The following SH3D19 variants were observed in gnomAD, a reference collection of about 807,000 sequenced individuals.
SH3D19 encodes SH3 domain containing 19.
SH3D19 carries 58 observed loss-of-function variants against 112.1 expected under a neutral mutation model. The ratio of observed to expected loss-of-function variants is 0.52; its 90% CI spans 0.42 to 0.64. SH3D19 has a LOEUF of 0.64. Ranked by LOEUF, SH3D19 falls within the 30% of genes least tolerant of loss-of-function variation. The pLI, the probability that SH3D19 is intolerant of heterozygous loss-of-function variation, is 0.00. For synonymous variants in SH3D19, 391 were observed against 448.5 expected (o/e 0.87, Z 1.62); for missense variants, 1,090 against 1,263.4 (o/e 0.86, Z 2.08).
chr4:151,247,139 T>A (rs1443274040), intron 1 of SH3D19, among the ~76,000 whole-genome samples: 1 of 152,230 alleles, frequency 6.6e-6, no homozygotes, highest in Non-Finnish European at 1.5e-5. Flanking sequence ...TGATAAAATT[T>A]TTATAATTTT....
intron 3 of SH3D19, among the ~76,000 whole-genome samples, chr4:151,185,040 G>GTTTTTTTTTTTTTTT (rs66567240): frequency 1.5e-5 from 1 of 66,520 alleles, no homozygotes; most frequent in Non-Finnish European, 2.7e-5. Flanking sequence ...GCTGTGTCCT[G>GTTTTTTTTTTTTTTT]TTTTTTTTTT....
intron 1 of SH3D19, among the ~76,000 whole-genome samples, chr4:151,320,231 T>A (rs893983197): frequency 2.0e-5 from 3 of 152,236 alleles, no homozygotes; most frequent in African/African-American, 4.8e-5. Flanking sequence ...GTAAATTTAG[T>A]TAGCATTTAG....
chr4:151,311,582 T>A (rs1729465158), intron 1 of SH3D19, among the ~76,000 whole-genome samples: 1 of 152,078 alleles, frequency 6.6e-6, no homozygotes, highest in African/African-American at 2.4e-5. Flanking sequence ...CTCACGCCTG[T>A]AATCTCAGCA....
At chr4:151,301,280 C>T (rs996343254) in intron 1 of SH3D19, among the ~76,000 whole-genome samples, 6 of 152,294 alleles carry the variant, frequency 3.9e-5, no homozygotes, top group South Asian at 2.1e-4. Flanking sequence ...CAGGCTGGAG[C>T]GCAATGGCGC....
chr4:151,171,595 C>T (rs961990551), intron 7 of SH3D19, among the ~76,000 whole-genome samples: 2 of 152,118 alleles, frequency 1.3e-5, no homozygotes, highest in East Asian at 1.9e-4. Context: ...CACCTATATC[C>T]GCATGGTCTT....
intron 1 of SH3D19, among the ~76,000 whole-genome samples, chr4:151,306,331 A>G (rs1268955150): frequency 6.6e-6 from 1 of 152,238 alleles, no homozygotes; most frequent in East Asian, 1.9e-4. Context: ...TCTCAGCTGC[A>G]CTTAACTTCT....
At chr4:151,196,860 G>C (rs1478092044) in intron 2 of SH3D19, among the ~76,000 whole-genome samples, 1 of 152,068 alleles carries the variant, frequency 6.6e-6, no homozygotes, top group East Asian at 1.9e-4. Context: ...CTCAAAGGAA[G>C]ATATATAAAT....
At chr4:151,313,209 A>G (rs1188740785) in intron 1 of SH3D19, among the ~76,000 whole-genome samples, 1 of 152,114 alleles carries the variant, frequency 6.6e-6, no homozygotes, top group Non-Finnish European at 1.5e-5. Flanking sequence ...CACTCTTTAG[A>G]GTTCCCATTG....
chr4:151,268,853 G>C (rs1773020117), intron 1 of SH3D19, among the ~76,000 whole-genome samples: 1 of 151,298 alleles, frequency 6.6e-6, no homozygotes, highest in Admixed American at 6.6e-5. Context: ...TTGGACATTT[G>C]GGTTGGTTCC....
At chr4:151,194,245 TTA>T (rs1763078194) in intron 2 of SH3D19, among the ~76,000 whole-genome samples, 1 of 151,516 alleles carries the variant, frequency 6.6e-6, no homozygotes, top group Non-Finnish European at 1.5e-5. Context: ...CAGGCTGGTC[TTA>T]CACTCTTGAC....
At chr4:151,296,164 G>T (rs939748812) in intron 1 of SH3D19, among the ~76,000 whole-genome samples, 3 of 152,140 alleles carry the variant, frequency 2.0e-5, no homozygotes, top group African/African-American at 7.2e-5. Flanking sequence ...ATAACTCATT[G>T]AAGCTATTTT....
Position 151,135,091 on chromosome 4 carries a change from AAC to A in SH3D19, c.2467_2468del (p.Val823PhefsTer6). The A allele has an allele frequency of 6.2e-7, 1 of 1,605,508 alleles. No individual in the cohort carries two copies. Among genetic ancestry groups the A allele is most frequent in the Admixed American group, 1.7e-5 (1 of 58,754 alleles). On this transcript the variant is annotated frameshift_variant, in exon 15 of 20. Transcript: ENST00000604030. LOFTEE classifies it high-confidence loss of function. ...AAACTTACTTAACACAATGAGATGA[AAC>A]ACATTCTCTTTTCCCATTTCCTCCT... ...PEGGNGKREC[V>X]SSHCVKGSRC... is the part of the protein sequence containing the mutation.
At chr4:151,272,154 CTATT>C (rs1398472769) in intron 1 of SH3D19, among the ~76,000 whole-genome samples, 3 of 152,062 alleles carry the variant, frequency 2.0e-5, no homozygotes, top group Non-Finnish European at 4.4e-5. Flanking sequence ...AAGGAAGAAA[CTATT>C]TATAGACAGA....
intron 1 of SH3D19, among the ~76,000 whole-genome samples, chr4:151,234,879 G>T (rs1218488045): frequency 6.6e-6 from 1 of 150,920 alleles, no homozygotes; most frequent in African/African-American, 2.4e-5. Flanking sequence ...CAGTAGCTGG[G>T]ACTACAGGTA....
chr4:151,149,141 G>T (rs1312110724), intron 10 of SH3D19, among the ~76,000 whole-genome samples: 1 of 152,116 alleles, frequency 6.6e-6, no homozygotes, highest in Non-Finnish European at 1.5e-5. Flanking sequence ...AGTCACCTCT[G>T]AGCTCACAAA....
intron 1 of SH3D19, chr4:151,290,980 G>C: frequency 1.6e-6 from 1 of 606,308 alleles, no homozygotes; most frequent in South Asian, 2.2e-5. Context: ...CTAAAGCAGT[G>C]ATTAGTCCAG....
At chr4:151,319,238 T>C (rs2126403120) in intron 1 of SH3D19, among the ~76,000 whole-genome samples, 1 of 152,250 alleles carries the variant, frequency 6.6e-6, no homozygotes, top group African/African-American at 2.4e-5. Flanking sequence ...TTGGTAGATA[T>C]GGGGTATCAT....
intron 18 of SH3D19, 127 bp from the exon 19 acceptor site, chr4:151,127,842 T>C: frequency 2.0e-6 from 1 of 496,254 alleles, no homozygotes; most frequent in Non-Finnish European, 3.5e-6. Flanking sequence ...GTAGTGATAT[T>C]AGGCAAAGAA....
intron 1 of SH3D19, among the ~76,000 whole-genome samples, chr4:151,271,290 T>C (rs998611856): frequency 6.6e-6 from 1 of 152,214 alleles, no homozygotes; most frequent in East Asian, 1.9e-4. Context: ...AGTAGACTGA[T>C]TGATGGGTTG....
Sources: gnomAD v4.1 joint callset for allele counts (sites outside exome capture counted in the v4.1 genomes callset) on GRCh38, gnomAD v4.1.1 for gene constraint, MANE v1.5 for transcripts, NCBI Gene and HGNC (gene_info 2026-07-23, HGNC 2026-07-21) for gene names.